Variants in NAV2 observed in about 807,000 individuals in gnomAD.
The protein encoded by NAV2 is helicase, APC down-regulated 1.
In NAV2, 54 loss-of-function variants were observed where a neutral mutation model predicts 223.2. That is an observed-to-expected ratio of 0.24 (90% confidence interval 0.19 to 0.30). The LOEUF (loss-of-function observed/expected upper bound fraction) is 0.30, where lower values mean the gene tolerates loss of function less well. Ranked by LOEUF, NAV2 falls within the 10% of genes least tolerant of loss-of-function variation. The probability of loss-of-function intolerance (pLI) is 1.00; values close to 1 mark genes in which losing one functional copy is unlikely to be tolerated. For synonymous variants in NAV2, 1,279 were observed against 1,239.3 expected, an observed-to-expected ratio of 1.03 and a Z score of -0.67; for missense variants, 2,806 against 3,147.5, an observed-to-expected ratio of 0.89 and a Z score of 2.60.
intron 5 of NAV2, among the ~76,000 whole-genome samples, chr11:19,886,496 C>T (rs1215611695): frequency 6.6e-6 from 1 of 152,224 alleles, no homozygotes; most frequent in African/African-American, 2.4e-5. Context: ...ACACCAGGCC[C>T]AAGTCAGAGT....
At chr11:19,800,194 T>C (rs1184408739) in intron 1 of NAV2, among the ~76,000 whole-genome samples, 2 of 152,198 alleles carry the variant, frequency 1.3e-5, no homozygotes, top group Non-Finnish European at 2.9e-5. Flanking sequence ...CGTTCCTCCC[T>C]GCACACTAGA....
intron 37 of NAV2, 133 bp from the exon 38 acceptor site, chr11:20,118,000 G>A: frequency 4.1e-6 from 4 of 980,310 alleles, no homozygotes; most frequent in Non-Finnish European, 4.5e-6. Flanking sequence ...CAAAGTCCAT[G>A]TTCTTGTCCA....
At position 20,119,067 on chromosome 11, in the gene NAV2, T is replaced by TG; in HGVS notation, c.*809_*810insG. The TG allele has an allele frequency of 7.2e-5, 2 of 27,872 alleles. No homozygotes were observed. The allele number at this position is 27,872 out of a possible 1,614,324, so 1.7% of individuals were successfully genotyped here. ...TTCTGATATATGAATGAATCAGGTTTTTTTTTTTTTTTTTCTGCAAACACT... is the reference window on the plus strand; with the variant it reads ...TTCTGATATATGAATGAATCAGGTTTGTTTTTTTTTTTTTTCTGCAAACACT... On this transcript the variant is annotated 3_prime_UTR_variant, in exon 38 of 38. Transcript: ENST00000349880.
chr11:19,620,544 T>C (rs1374168054), intron 1 of NAV2, among the ~76,000 whole-genome samples: 1 of 152,306 alleles, frequency 6.6e-6, no homozygotes, highest in South Asian at 2.1e-4. Context: ...CATTCACTCA[T>C]GATTTGGCCC....
At chr11:19,457,577 G>A (rs1436472734) in intron 1 of NAV2, among the ~76,000 whole-genome samples, 4 of 152,186 alleles carry the variant, frequency 2.6e-5, no homozygotes, top group Non-Finnish European at 5.9e-5. Flanking sequence ...ATTTGAGAGA[G>A]TTAAGCAGGA....
intron 5 of NAV2, among the ~76,000 whole-genome samples, chr11:19,886,806 G>T (rs1258049941): frequency 1.3e-5 from 2 of 152,174 alleles, no homozygotes; most frequent in Non-Finnish European, 2.9e-5. Context: ...CTGTCCTGAG[G>T]CTGGGCTGGG....
intron 2 of NAV2, among the ~76,000 whole-genome samples, chr11:19,837,588 C>A (rs1446692336): frequency 6.6e-6 from 1 of 152,084 alleles, no homozygotes; most frequent in Admixed American, 6.5e-5. Flanking sequence ...AACACAACAT[C>A]AGTTATGCTA....
At position 20,106,175 on chromosome 11, in the gene NAV2, A is replaced by ATATATCTGTGTGTGTGTGTG. The variant is rs11267537; in HGVS notation, c.6841+449_6841+450insATATCTGTGTGTGTGTGTGT. Among the ~76,000 whole-genome samples, 2 of 35,842 alleles carry ATATATCTGTGTGTGTGTGTG rather than the reference A, an allele frequency of 5.6e-5. 1 individual carries two copies. The highest frequency in any genetic ancestry group is 1.1e-4 in the Non-Finnish European group (2 of 18,992). The allele number at this position is 35,842 out of a possible 152,430, so 23.5% of individuals were successfully genotyped here. A position where few individuals can be genotyped will look rare whatever the true frequency, so the allele number is the denominator to read the frequency against. On this transcript the variant is annotated intron_variant, in intron 35 of 37. Transcript: ENST00000349880. ...TGTGTGTATATATATATATATATAT[A>ATATATCTGTGTGTGTGTGTG]TGTGTGTGTATATATATATATATAT... is the stretch of plus-strand genomic sequence containing the variant.
chr11:19,350,809 G>T (rs1391559238), exon 1 of NAV2: 4 of 739,492 alleles, frequency 5.4e-6, no homozygotes, highest in Admixed American at 4.4e-5. Context: ...AAGACAGGAA[G>T]ACCTTTGAAG....
intron 5 of NAV2, among the ~76,000 whole-genome samples, chr11:19,883,737 G>A (rs994610755): frequency 6.6e-6 from 1 of 152,056 alleles, no homozygotes; most frequent in East Asian, 1.9e-4. Flanking sequence ...TTCTTTATAT[G>A]TACCAATTTA....
intron 1 of NAV2, among the ~76,000 whole-genome samples, chr11:19,664,892 G>T (rs2048370260): frequency 6.6e-6 from 1 of 152,196 alleles, no homozygotes; most frequent in African/African-American, 2.4e-5. Flanking sequence ...CTCAGGGCAG[G>T]GTGTGAGAGA....
At chr11:19,779,700 G>A (rs2056588478) in intron 1 of NAV2, among the ~76,000 whole-genome samples, 1 of 152,214 alleles carries the variant, frequency 6.6e-6, no homozygotes, top group African/African-American at 2.4e-5. Context: ...ATCCAGCATA[G>A]AGTTGGAAGC....
chr11:19,510,817 A>G (rs1472510776), intron 1 of NAV2: 9 of 152,184 alleles, frequency 5.9e-5, no homozygotes, highest in Non-Finnish European at 1.5e-5. Context: ...CTCTTGAGTT[A>G]TCCTTGGCAG....
At chr11:19,513,518 C>T (rs76735473) in intron 1 of NAV2, among the ~76,000 whole-genome samples, 4,193 of 152,226 alleles carry the variant, frequency 0.028, 93 homozygotes, top group Non-Finnish European at 0.046. Context: ...CTAAGGGGAT[C>T]TAGTGGTGTA....
chr11:19,565,908 C>T (rs567747145), intron 1 of NAV2, among the ~76,000 whole-genome samples: 2 of 152,286 alleles, frequency 1.3e-5, no homozygotes, highest in Non-Finnish European at 2.9e-5. Flanking sequence ...AAAGAACTTG[C>T]GACTTCGTGT....
Position 20,120,495 on chromosome 11 carries a change from T to C in NAV2, c.*2237T>C, listed in dbSNP as rs1460584365. ...TCTCCCAGCAATGACCCTACTACAC[T>C]CGCGTACTGTGAATTTGGGAGGAGG... On this transcript the variant is annotated 3_prime_UTR_variant, in exon 38 of 38. Transcript: ENST00000349880. 5 of 152,606 alleles carry C rather than the reference T, an allele frequency of 3.3e-5. No individual in the cohort carries two copies. Among genetic ancestry groups the C allele is most frequent in the Non-Finnish European group, 7.3e-5 (5 of 68,032 alleles). 9.5% of individuals were successfully genotyped at this position (152,606 alleles called of 1,614,324 possible).
At position 20,114,644 on chromosome 11, in the gene NAV2, CAT is replaced by C; in HGVS notation, c.7016_7017del (p.Tyr2339SerfsTer20). The C allele has an allele frequency of 6.2e-7, 1 of 1,614,200 alleles. No individual in the cohort carries two copies. Among genetic ancestry groups the C allele is most frequent in the Non-Finnish European group, 8.5e-7 (1 of 1,180,038 alleles). Reference sequence around the variant, plus strand: ...GATCCTGCCAAGTGGGTGATGGACACATATCCATGGGCAGCCAGCCCACAACA... The same window carrying C: ...GATCCTGCCAAGTGGGTGATGGACACATCCATGGGCAGCCAGCCCACAACA... On this transcript the variant is annotated frameshift_variant, in exon 37 of 38. Transcript: ENST00000349880. LOFTEE classifies it high-confidence loss of function.
At chr11:19,571,050 A>G (rs1031744260) in intron 1 of NAV2, among the ~76,000 whole-genome samples, 2 of 152,256 alleles carry the variant, frequency 1.3e-5, no homozygotes, top group African/African-American at 4.8e-5. Flanking sequence ...CTATCAACAG[A>G]TTAATAGATA....
At chr11:19,961,071 T>C (rs887145484) in intron 10 of NAV2, among the ~76,000 whole-genome samples, 3 of 152,160 alleles carry the variant, frequency 2.0e-5, no homozygotes, top group Non-Finnish European at 2.9e-5. Context: ...AGTTCTCATC[T>C]AGAAAACCAA....
Sources: allele counts gnomAD v4.1 joint callset (sites outside exome capture counted in the v4.1 genomes callset), GRCh38; gene constraint gnomAD v4.1.1; transcripts MANE v1.5; gene names NCBI Gene and HGNC (gene_info 2026-07-23, HGNC 2026-07-21).